The following HECW1 variants were observed in gnomAD, a reference collection of about 807,000 sequenced individuals.
HECW1 encodes HECT, C2 and WW domain containing E3 ubiquitin protein ligase 1, also known as E3 ubiquitin-protein ligase HECW1.
HECW1 carries 61 observed loss-of-function variants against 182.3 expected under a neutral mutation model. That is an observed-to-expected ratio of 0.33 (90% CI 0.27 to 0.41). HECW1 has a LOEUF of 0.41. Among genes scored for constraint, HECW1 ranks in the 10% least tolerant of loss-of-function variants. HECW1 has a pLI of 1.00. For missense variants in HECW1, 1,739 were observed against 2,108.9 expected (o/e 0.82, Z 3.44); for synonymous variants, 859 against 832.6 (o/e 1.03, Z -0.55).
In HECW1 at chr7:43,274,677, G is replaced by A. The variant is rs536012791; in HGVS notation, c.27+30745G>A. 65 of 281,296 alleles carry A rather than the reference G, an allele frequency of 2.3e-4. 1 individual carries two copies. The highest frequency in any genetic ancestry group is 2.2e-3 in the South Asian group (63 of 28,840). 17.4% of individuals were successfully genotyped at this position (281,296 alleles called of 1,614,324 possible). A position where few individuals can be genotyped will look rare whatever the true frequency, so the allele number is the denominator to read the frequency against. On this transcript the variant is annotated intron_variant, in intron 3 of 29. Transcript: ENST00000395891. ...AGAGAGAGAGAGCGAGAGAGAGCGC[G>A]CAGTAAAATCCTATTACAAAAATAG... is the stretch of plus-strand genomic sequence containing the variant.
intron 2 of HECW1, among the ~76,000 whole-genome samples, chr7:43,210,689 C>T (rs1454571012): frequency 6.6e-6 from 1 of 152,086 alleles, no homozygotes; most frequent in African/African-American, 2.4e-5. Flanking sequence ...TAGTGTTCAG[C>T]TCAATTAGGA....
chr7:43,559,525 C>G (rs949907784), intron 29 of HECW1, among the ~76,000 whole-genome samples: 1 of 152,164 alleles, frequency 6.6e-6, no homozygotes, highest in Non-Finnish European at 1.5e-5. Context: ...CGTTGATCCT[C>G]CCCATAACCC....
chr7:43,290,992 A>G (rs1805328600), intron 3 of HECW1, among the ~76,000 whole-genome samples: 1 of 152,238 alleles, frequency 6.6e-6, no homozygotes. Context: ...CAGTGGTAAC[A>G]TGAACCATTG....
chr7:43,304,119 G>A (rs1323977215), intron 3 of HECW1, among the ~76,000 whole-genome samples: 1 of 152,132 alleles, frequency 6.6e-6, no homozygotes, highest in Non-Finnish European at 1.5e-5. Context: ...CTGCCATTGG[G>A]TTGGGTAGGA....
At chr7:43,528,663 C>T (rs1445547291) in intron 24 of HECW1, among the ~76,000 whole-genome samples, 1 of 152,146 alleles carries the variant, frequency 6.6e-6, no homozygotes, top group Non-Finnish European at 1.5e-5. Context: ...GCACACTTGG[C>T]CCACCACGTT....
At chr7:43,416,286 C>CT (rs1562952286) in intron 8 of HECW1, among the ~76,000 whole-genome samples, 1 of 151,004 alleles carries the variant, frequency 6.6e-6, no homozygotes, top group East Asian at 1.9e-4. Context: ...GAGTACCCTG[C>CT]TGTGTGAGGT....
At chr7:43,271,510 T>C (rs115985855) in intron 3 of HECW1, among the ~76,000 whole-genome samples, 1 of 152,162 alleles carries the variant, frequency 6.6e-6, no homozygotes, top group Non-Finnish European at 1.5e-5. Context: ...TTTAGCAAGG[T>C]TGTAGGGTAC....
intron 18 of HECW1, 145 bp downstream of exon 18, chr7:43,492,325 A>G: frequency 1.6e-6 from 1 of 606,998 alleles, no homozygotes; most frequent in Non-Finnish European, 2.9e-6. Context: ...GATATAGTGC[A>G]CACCCCGACC....
At chr7:43,456,500 G>A in intron 13 of HECW1, 53 bp downstream of exon 13, 2 of 1,553,474 alleles carry the variant, frequency 1.3e-6, no homozygotes. Flanking sequence ...AAGGAGAATG[G>A]CAGCTAGAGA....
rs186641136 is a variant in HECW1 at position 43,138,282 on chromosome 7, T to C, written c.-32+23891T>C. ...GAAGATATCATTTCAACTTACATTT[T>C]CTCGGCTTATGTAGTCAATGGTTTA... On this transcript the variant is annotated intron_variant, in intron 2 of 29. Coordinates refer to ENST00000395891, the MANE Select transcript of HECW1 (RefSeq NM_015052.5). 3.5e-3 allele frequency among the ~76,000 whole-genome samples: 529 copies of C among 152,372 alleles called. 4 individuals are homozygous for C. The Middle Eastern group carries it at 0.048, about 14-fold the overall frequency.
intron 4 of HECW1, among the ~76,000 whole-genome samples, chr7:43,319,695 G>A (rs561077780): frequency 2.1e-5 from 3 of 139,736 alleles, no homozygotes; most frequent in Non-Finnish European, 4.5e-5. Context: ...CACCTCCTGG[G>A]TTCAAGCGAT....
In HECW1 at chr7:43,311,949, C is replaced by T. The variant is rs202230638; in HGVS notation, c.214C>T (p.Leu72=). The T allele has an allele frequency of 5.8e-5, 94 of 1,614,038 alleles. No homozygotes were observed. The highest frequency in any genetic ancestry group is 7.8e-5 in the Non-Finnish European group (92 of 1,180,000). Residue 72 remains leucine (L), a synonymous_variant, in exon 4 of 30, where the codon CTG becomes TTG. Coordinates refer to ENST00000395891, the MANE Select transcript of HECW1 (RefSeq NM_015052.5). ...TCCCCGCTCCACCAGCGACACTGAC[C>T]TGGTCACCTCGGACAGCCGCTCCAC... ...TIPRSTSDTD[L]VTSDSRSTLM... is the part of the protein sequence containing the mutation.
intron 3 of HECW1, among the ~76,000 whole-genome samples, chr7:43,264,731 T>C (rs1334319222): frequency 6.6e-5 from 10 of 151,574 alleles, no homozygotes; most frequent in South Asian, 2.1e-4. Context: ...GTAGTCTCAG[T>C]TACTCCGGTG....
chr7:43,546,145 A>G (rs779016318), intron 26 of HECW1, among the ~76,000 whole-genome samples: 4 of 146,816 alleles, frequency 2.7e-5, no homozygotes, highest in Non-Finnish European at 6.0e-5. Context: ...ATCTTCTGTT[A>G]GTTCCTCTGG....
intron 2 of HECW1, among the ~76,000 whole-genome samples, chr7:43,140,831 C>T (rs1788078749): frequency 6.6e-6 from 1 of 152,150 alleles, no homozygotes; most frequent in South Asian, 2.1e-4. Flanking sequence ...CTGGTGAGGG[C>T]TTGCTTTCTG....
intron 2 of HECW1, among the ~76,000 whole-genome samples, chr7:43,167,103 C>G (rs945238298): frequency 2.6e-5 from 4 of 152,182 alleles, no homozygotes; most frequent in African/African-American, 9.7e-5. Context: ...CCTAAAGCAA[C>G]AGGAATTTAT....
At chr7:43,213,348 T>C (rs1301079406) in intron 2 of HECW1, among the ~76,000 whole-genome samples, 1 of 152,062 alleles carries the variant, frequency 6.6e-6, no homozygotes, top group Non-Finnish European at 1.5e-5. Context: ...GTTTGGATCA[T>C]CTGTATACTA....
At chr7:43,382,752 A>C (rs1173880198) in intron 6 of HECW1, among the ~76,000 whole-genome samples, 1 of 152,238 alleles carries the variant, frequency 6.6e-6, no homozygotes, top group Non-Finnish European at 1.5e-5. Flanking sequence ...ATAGTTCAAA[A>C]TGATGACTGA....
At chr7:43,263,470 C>T (rs1160664530) in intron 3 of HECW1, among the ~76,000 whole-genome samples, 2 of 152,172 alleles carry the variant, frequency 1.3e-5, no homozygotes, top group Non-Finnish European at 2.9e-5. Context: ...AAGCAATTCT[C>T]ATGCCTCAGC....
Sources: allele counts gnomAD v4.1 joint callset (sites outside exome capture counted in the v4.1 genomes callset), GRCh38; gene constraint gnomAD v4.1.1; transcripts MANE v1.5; gene names NCBI Gene and HGNC (gene_info 2026-07-23, HGNC 2026-07-21).